The following CDH1 variants were observed in gnomAD, a reference collection of about 807,000 sequenced individuals.
CDH1 encodes cadherin-1.
CDH1 carries 35 observed loss-of-function variants against 84.5 expected under a neutral mutation model. That is an observed-to-expected ratio of 0.41 (90% CI 0.32 to 0.55). CDH1 has a LOEUF of 0.55. Ranked by LOEUF, CDH1 falls within the 20% of genes least tolerant of loss-of-function variation. The pLI is 0.19. For missense variants in CDH1, 994 were observed against 1,126.6 expected (o/e 0.88, Z 1.68); for synonymous variants, 417 against 439.0 (o/e 0.95, Z 0.63).
At chr16:68,769,204 G>A (rs1464948212) in intron 2 of CDH1, among the ~76,000 whole-genome samples, 6 of 152,148 alleles carry the variant, frequency 3.9e-5, no homozygotes, top group Non-Finnish European at 8.8e-5. Context: ...GAGGTCCTCA[G>A]ATATTTGAAT....
intron 2 of CDH1, among the ~76,000 whole-genome samples, chr16:68,775,676 C>T (rs979211961): frequency 6.6e-6 from 1 of 152,210 alleles, no homozygotes; most frequent in Admixed American, 6.5e-5. Flanking sequence ...ATTTCCTTCC[C>T]CTATAATAAA....
At chr16:68,811,113 C>G (rs1960809493) in intron 6 of CDH1, among the ~76,000 whole-genome samples, 1 of 151,652 alleles carries the variant, frequency 6.6e-6, no homozygotes, top group Non-Finnish European at 1.5e-5. Context: ...TAACCACACC[C>G]TAGGCTGGGT....
chr16:68,832,012 C>A (rs1192966307), intron 15 of CDH1, among the ~76,000 whole-genome samples: 1 of 152,100 alleles, frequency 6.6e-6, no homozygotes, highest in Non-Finnish European at 1.5e-5. Context: ...AGGCCATTAT[C>A]CTTAGCAAAC....
chr16:68,820,686 T>C (rs1961119180), intron 11 of CDH1, among the ~76,000 whole-genome samples: 1 of 152,144 alleles, frequency 6.6e-6, no homozygotes, highest in South Asian at 2.1e-4. Flanking sequence ...TTCCTTTACC[T>C]GAAAAATGTT....
chr16:68,793,492 AG>A (rs1288015530), intron 2 of CDH1, among the ~76,000 whole-genome samples: 351 of 152,350 alleles, frequency 2.3e-3, no homozygotes, highest in African/African-American at 8.0e-3. Context: ...ACTAACAGAC[AG>A]GCTGCCTGGT....
chr16:68,757,303 G>C (rs916368918), intron 2 of CDH1, among the ~76,000 whole-genome samples: 1 of 152,088 alleles, frequency 6.6e-6, no homozygotes, highest in Non-Finnish European at 1.5e-5. Flanking sequence ...TGGCCAGGCT[G>C]GTCCTGACCT....
rs35566564 is a variant in CDH1, at chr16:68,829,959, CTTTT to C, written c.2439+174_2439+177del. ...TTCCTTTTTCTTTTTTTTTCTTTTT[CTTTT>C]TTTTTTTTTTTGAGACGAAGTTTCA... On this transcript the variant is annotated intron_variant, in intron 15 of 15. Coordinates refer to ENST00000261769, the MANE Select transcript of CDH1 (RefSeq NM_004360.5). Among the ~76,000 whole-genome samples, 7 of 108,018 alleles carry C rather than the reference CTTTT, an allele frequency of 6.5e-5. 1 individual carries two copies. The highest frequency in any genetic ancestry group is 3.3e-4 in the African/African-American group (6 of 18,444). The allele number at this position is 108,018 out of a possible 152,430, so 70.9% of individuals were successfully genotyped here. A position where few individuals can be genotyped will look rare whatever the true frequency, so the allele number is the denominator to read the frequency against.
intron 2 of CDH1, among the ~76,000 whole-genome samples, chr16:68,751,215 A>G (rs1022116370): frequency 6.6e-6 from 1 of 152,168 alleles, no homozygotes; most frequent in Non-Finnish European, 1.5e-5. Flanking sequence ...TAAGCGCCTA[A>G]GTCCTTTCTA....
At chr16:68,765,086 C>CTCAAGCTG (rs1468043596) in intron 2 of CDH1, 3 of 152,228 alleles carry the variant, frequency 2.0e-5, no homozygotes, top group Non-Finnish European at 4.4e-5. Context: ...GAGCAGAAAA[C>CTCAAGCTG]AGATCCAGCA....
intron 2 of CDH1, among the ~76,000 whole-genome samples, chr16:68,783,565 T>C: frequency 6.6e-6 from 1 of 152,214 alleles, no homozygotes; most frequent in Non-Finnish European, 1.5e-5. Context: ...GAAGATATTC[T>C]AAGCCTATTC....
chr16:68,830,501 A>T (rs1274216716), intron 15 of CDH1, among the ~76,000 whole-genome samples: 1 of 152,120 alleles, frequency 6.6e-6, no homozygotes, highest in Non-Finnish European at 1.5e-5. Context: ...GAAAAATAGA[A>T]TCTGTATTGT....
chr16:68,771,331 C>T (rs117300597), intron 2 of CDH1, among the ~76,000 whole-genome samples: 2,531 of 152,268 alleles, frequency 0.017, 46 homozygotes, highest in Non-Finnish European at 0.021. Context: ...CTTTGTCACC[C>T]AAGCTGGAGT....
At chr16:68,801,205 A>G (rs1354292189) in intron 2 of CDH1, among the ~76,000 whole-genome samples, 5 of 152,128 alleles carry the variant, frequency 3.3e-5, no homozygotes, top group South Asian at 2.1e-4. Flanking sequence ...TCCACCTTAC[A>G]GGTTCAAGAG....
At chr16:68,762,912 C>CAAAAAAA (rs55899466) in intron 2 of CDH1, among the ~76,000 whole-genome samples, 17 of 61,466 alleles carry the variant, frequency 2.8e-4, no homozygotes, top group Admixed American at 5.6e-4. Flanking sequence ...GATTCCGTCT[C>CAAAAAAA]AAAAAAAAAA....
At chr16:68,812,008 G>T (rs1960850213) in intron 7 of CDH1, 127 bp from the exon 8 acceptor site, 8 of 1,504,550 alleles carry the variant, frequency 5.3e-6, no homozygotes, top group Admixed American at 1.7e-5. Flanking sequence ...GAGGTTCCGT[G>T]CCTAGAAGAC....
chr16:68,812,366 C>T (rs2152132876), intron 8 of CDH1, 103 bp downstream of exon 8: 1 of 1,238,154 alleles, frequency 8.1e-7, no homozygotes, highest in Non-Finnish European at 1.2e-6. Flanking sequence ...AAACTCTCTC[C>T]AGACTAGAGA....
chr16:68,755,265 A>C (rs1167130131), intron 2 of CDH1, among the ~76,000 whole-genome samples: 5 of 134,732 alleles, frequency 3.7e-5, no homozygotes, highest in African/African-American at 5.9e-5. Context: ...CCTGGGTGAC[A>C]GGGCAAGACT....
At position 68,753,980 on chromosome 16, in the gene CDH1, G is replaced by T. The variant is rs539016048; in HGVS notation, c.163+15569G>T. On this transcript the variant is annotated intron_variant, in intron 2 of 15. Transcript: ENST00000261769. ...AAATACAAAAAAAAATTGGCCAGGC[G>T]TAGTGGCAGGCGCCTATAGTCCCAG... is the stretch of plus-strand genomic sequence containing the variant. 1.1e-4 allele frequency among the ~76,000 whole-genome samples: 16 copies of T among 151,878 alleles called. No homozygotes were observed. In the East Asian group the frequency reaches 2.9e-3, roughly 28 times the overall value.
chr16:68,807,179 C>T (rs879564798), intron 3 of CDH1, among the ~76,000 whole-genome samples: 5 of 152,158 alleles, frequency 3.3e-5, no homozygotes, highest in Non-Finnish European at 7.3e-5. Context: ...CATATGAAAA[C>T]TGTTCAATAC....
Sources: gnomAD v4.1 joint callset for allele counts (sites outside exome capture counted in the v4.1 genomes callset) on GRCh38, gnomAD v4.1.1 for gene constraint, MANE v1.5 for transcripts, NCBI Gene and HGNC (gene_info 2026-07-23, HGNC 2026-07-21) for gene names.